RAPH1: variants seen among roughly 807,000 people sequenced by gnomAD.
The protein encoded by RAPH1 is Ras association (RalGDS/AF-6) and pleckstrin homology domains 1.
Under a neutral mutation model 88.1 loss-of-function variants are expected in RAPH1, and 18 were observed. The observed-to-expected ratio is 0.20, with a 90% CI of 0.14 to 0.30. The LOEUF is 0.30. Ranked by LOEUF, RAPH1 falls within the 10% of genes least tolerant of loss-of-function variation. The pLI, the probability that RAPH1 is intolerant of heterozygous loss-of-function variation, is 1.00. For synonymous variants in RAPH1, 587 were observed against 559.0 expected, an observed-to-expected ratio of 1.05 and a Z score of -0.71; for missense variants, 1,448 against 1,543.2, an observed-to-expected ratio of 0.94 and a Z score of 1.03.
chr2:203,438,424 C>T lies in RAPH1; in HGVS notation c.*1013G>A, dbSNP rs1401008839. The T allele has an allele frequency of 2.1e-5, 7 of 330,210 alleles. No individual in the cohort carries two copies. Among genetic ancestry groups the T allele is most frequent in the Non-Finnish European group, 5.9e-6 (1 of 168,218 alleles). The allele number at this position is 330,210 out of a possible 1,614,324, so 20.5% of individuals were successfully genotyped here. A position where few individuals can be genotyped will look rare whatever the true frequency, so the allele number is the denominator to read the frequency against. On this transcript the variant is annotated 3_prime_UTR_variant, in exon 14 of 14. Transcript: ENST00000319170. ...ATTGGGGCACAGGATGTGTATATTT[C>T]ATATACCAATTGTCTACAGATATGT...
At position 203,441,100 on chromosome 2, in the gene RAPH1, A is replaced by G. The variant is rs984260785; in HGVS notation, c.2090T>C (p.Val697Ala). ...PTPPVMQSQSVKPQILVPPNG... is the reference protein window; with the variant it reads ...PTPPVMQSQSAKPQILVPPNG... ...GGGGGGTACCAGGATCTGAGGCTTC[A>G]CTGACTGTGACTGCATCACTGGGGG... Residue 697 changes from valine (V) to alanine (A), a missense_variant, in exon 14 of 14, where the codon GTG becomes GCG. By Grantham distance (64) the Val-to-Ala change is moderately conservative. Around this residue, in one of 2 missense-constraint regions of RAPH1, gnomAD observed 935 missense variants for 890.1 expected, o/e 1.05. Transcript: ENST00000319170. 2 of 1,605,440 alleles carry G rather than the reference A, an allele frequency of 1.2e-6. No individual in the cohort carries two copies. Among genetic ancestry groups the G allele is most frequent in the South Asian group, 1.1e-5 (1 of 90,602 alleles).
intron 3 of RAPH1, among the ~76,000 whole-genome samples, chr2:203,490,523 G>T (rs1581348428): frequency 6.6e-6 from 1 of 152,122 alleles, no homozygotes; most frequent in Non-Finnish European, 1.5e-5. Flanking sequence ...TTGACTAGGT[G>T]GAATACAACA....
chr2:203,515,974 CTCT>C (rs1420594517), intron 1 of RAPH1, among the ~76,000 whole-genome samples: 3 of 152,168 alleles, frequency 2.0e-5, no homozygotes, highest in Non-Finnish European at 2.9e-5. Flanking sequence ...ATAACTTTTA[CTCT>C]TCTTAATTGA....
rs915967690 is a variant in RAPH1 at position 203,434,161 on chromosome 2, G to C, written c.*5276C>G. Reference sequence around the variant, plus strand: ...AAGAAAATAATAGCAACAAAGCTGCGAGAAAAATTGTAACTTCATCTTCAC... The same window carrying C: ...AAGAAAATAATAGCAACAAAGCTGCCAGAAAAATTGTAACTTCATCTTCAC... On this transcript the variant is annotated 3_prime_UTR_variant, in exon 14 of 14. Coordinates refer to ENST00000319170, the MANE Select transcript of RAPH1 (RefSeq NM_213589.3). The C allele has an allele frequency of 6.6e-6, 1 of 152,324 alleles. No homozygotes were observed. Among genetic ancestry groups the C allele is most frequent in the African/African-American group, 2.4e-5 (1 of 41,336 alleles). 9.4% of individuals were successfully genotyped at this position (152,324 alleles called of 1,614,324 possible). A position where few individuals can be genotyped will look rare whatever the true frequency, so the allele number is the denominator to read the frequency against.
At chr2:203,527,244 T>C (rs542748415) in intron 1 of RAPH1, among the ~76,000 whole-genome samples, 1 of 152,174 alleles carries the variant, frequency 6.6e-6, no homozygotes, top group Non-Finnish European at 1.5e-5. Context: ...ATTTTATATA[T>C]AATACATATT....
chr2:203,527,847 T>C (rs942754416), intron 1 of RAPH1, among the ~76,000 whole-genome samples: 4 of 140,754 alleles, frequency 2.8e-5, no homozygotes, highest in African/African-American at 7.9e-5. Context: ...TATTATATAA[T>C]CCTTCATGAA....
chr2:203,442,587 CA>C (rs945646310), intron 13 of RAPH1: 2 of 152,514 alleles, frequency 1.3e-5, no homozygotes, highest in African/African-American at 4.8e-5. Context: ...TTCCAGAGAA[CA>C]ACCCCTGACC....
At chr2:203,458,937 T>C (rs2098522071) in intron 7 of RAPH1, among the ~76,000 whole-genome samples, 1 of 152,122 alleles carries the variant, frequency 6.6e-6, no homozygotes, top group African/African-American at 2.4e-5. Context: ...TAATTTTTTG[T>C]ATTTTTAGTA....
In RAPH1 at chr2:203,515,335, G is replaced by A. The variant is rs540706637; in HGVS notation, c.-1+19776C>T. Among the ~76,000 whole-genome samples the A allele has an allele frequency of 4.6e-5, 7 of 152,330 alleles. No homozygotes were observed. The East Asian group carries it at 1.3e-3, about 29-fold the overall frequency. On this transcript the variant is annotated intron_variant, in intron 1 of 13. Transcript: ENST00000319170. Reference sequence around the variant, plus strand: ...GACGGTATACTGTGTAAAAAGAGAAGGGGATTTTCAAAATAACAGCGATTC... The same window carrying A: ...GACGGTATACTGTGTAAAAAGAGAAAGGGATTTTCAAAATAACAGCGATTC...
chr2:203,436,627 C>T lies in RAPH1; in HGVS notation c.*2810G>A, dbSNP rs1417123822. 1 of 152,206 alleles carries T rather than the reference C, an allele frequency of 6.6e-6. No homozygotes were observed. The highest frequency in any genetic ancestry group is 1.5e-5 in the Non-Finnish European group (1 of 68,048). The allele number at this position is 152,206 out of a possible 1,614,324, so 9.4% of individuals were successfully genotyped here. A position where few individuals can be genotyped will look rare whatever the true frequency, so the allele number is the denominator to read the frequency against. ...CTCTAATAAGCACCTGTTTGCACTGCCCTCAGCAGCAGGATGAGTTAATCC... is the reference window on the plus strand; with the variant it reads ...CTCTAATAAGCACCTGTTTGCACTGTCCTCAGCAGCAGGATGAGTTAATCC... On this transcript the variant is annotated 3_prime_UTR_variant, in exon 14 of 14. Transcript: ENST00000319170.
chr2:203,494,591 G>A (rs1012473538), intron 2 of RAPH1, among the ~76,000 whole-genome samples: 5 of 151,974 alleles, frequency 3.3e-5, no homozygotes, highest in East Asian at 1.9e-4. Context: ...GGCAGATCAC[G>A]AGGTCAGGAG....
At chr2:203,512,068 G>T (rs1377306135) in intron 1 of RAPH1, among the ~76,000 whole-genome samples, 1 of 151,864 alleles carries the variant, frequency 6.6e-6, no homozygotes, top group African/African-American at 2.4e-5. Flanking sequence ...AGCCGAGATC[G>T]CACCAATGCA....
intron 13 of RAPH1, 174 bp from the exon 14 acceptor site, chr2:203,441,587 CTGAT>C (rs1255975135): frequency 6.6e-6 from 9 of 1,358,896 alleles, no homozygotes; most frequent in Non-Finnish European, 6.6e-6. Flanking sequence ...AGGCTAAAAT[CTGAT>C]TGTGCGGGCA....
rs148260240 is a variant in RAPH1, at chr2:203,490,448, T to C, written c.227-359A>G. ...GTAGAGATGTCAATACTGAAAGAGC[T>C]GAGGGCATAAAAAGAGAAGTCAAAA... On this transcript the variant is annotated intron_variant, in intron 3 of 13. Transcript: ENST00000319170. Among the ~76,000 whole-genome samples, 482 of 152,260 alleles carry C rather than the reference T, an allele frequency of 3.2e-3. 1 individual carries two copies. Among genetic ancestry groups the C allele is most frequent in the Non-Finnish European group, 4.2e-3 (283 of 68,012 alleles).
At position 203,435,892 on chromosome 2, in the gene RAPH1, AT is replaced by A. The variant is rs1581234298; in HGVS notation, c.*3544del. On this transcript the variant is annotated 3_prime_UTR_variant, in exon 14 of 14. Transcript: ENST00000319170. ...GCCAATCCACACCATTACCTGAAAT[AT>A]TTTTCAGGCTAATTTATAACTTTAT... 6.6e-6 allele frequency: 1 copy of A among 152,310 alleles called. No homozygotes were observed. Among genetic ancestry groups the A allele is most frequent in the East Asian group, 1.9e-4 (1 of 5,188 alleles). 9.4% of individuals were successfully genotyped at this position (152,310 alleles called of 1,614,324 possible).
intron 1 of RAPH1, among the ~76,000 whole-genome samples, chr2:203,522,738 C>T (rs867647246): frequency 8.6e-5 from 13 of 151,712 alleles, no homozygotes; most frequent in Middle Eastern, 3.4e-3. Flanking sequence ...CTCATCTCTA[C>T]TAAAACTACA....
At chr2:203,524,844 G>A (rs1350225295) in intron 1 of RAPH1, among the ~76,000 whole-genome samples, 1 of 152,118 alleles carries the variant, frequency 6.6e-6, no homozygotes, top group Non-Finnish European at 1.5e-5. Context: ...AATATGTGCA[G>A]TTTATTATAT....
chr2:203,517,359 C>CAAAAAAAAAAAAAAAAAAA (rs71408943), intron 1 of RAPH1, among the ~76,000 whole-genome samples: 83 of 32,144 alleles, frequency 2.6e-3, no homozygotes, highest in African/African-American at 3.3e-3. Context: ...CTATGAGAGG[C>CAAAAAAAAAAAAAAAAAAA]AAAAAAAAAA....
chr2:203,458,209 A>G (rs572984012), intron 7 of RAPH1, among the ~76,000 whole-genome samples: 5 of 152,252 alleles, frequency 3.3e-5, no homozygotes, highest in African/African-American at 1.2e-4. Flanking sequence ...GTCTCTACTA[A>G]AAATACAAAA....
Sources: gnomAD v4.1 joint callset for allele counts (sites outside exome capture counted in the v4.1 genomes callset) on GRCh38, gnomAD v4.1.1 for gene constraint, gnomAD v4.1.1 regional missense constraint, MANE v1.5 for transcripts, NCBI Gene and HGNC (gene_info 2026-07-23, HGNC 2026-07-21) for gene names.